MAGEA11: variants seen among roughly 807,000 people sequenced by gnomAD.
The protein encoded by MAGEA11 is MAGE family member A11.
A neutral mutation model predicts 8.4 loss-of-function variants in MAGEA11; 1 was observed. The ratio of observed to expected loss-of-function variants is 0.12; its 90% confidence interval spans 0.04 to 0.57. The LOEUF is 0.57. Ranked by LOEUF, MAGEA11 falls within the 20% of genes least tolerant of loss-of-function variation. MAGEA11 has a pLI of 0.91. For synonymous variants in MAGEA11, 127 were observed against 119.3 expected, an observed-to-expected ratio of 1.06 and a Z score of -0.42; for missense variants, 209 against 317.3, an observed-to-expected ratio of 0.66 and a Z score of 2.59.
chrX:149,713,105 A>G (rs1211110712), intron 1 of MAGEA11, 38 bp from the exon 2 acceptor site: 4 of 939,892 alleles, frequency 4.3e-6, no homozygotes, highest in Non-Finnish European at 6.1e-6. Flanking sequence ...CCCCCCCCAT[A>G]GTCCCGCCGT....
chrX:149,702,033 C>T (rs782634685), intron 1 of MAGEA11, among the ~76,000 whole-genome samples: 4 of 111,987 alleles, frequency 3.6e-5, no homozygotes, highest in South Asian at 3.7e-4. Context: ...CCATTGCAGA[C>T]AGATAAAGTA....
intron 2 of MAGEA11, 187 bp from the exon 3 acceptor site, chrX:149,714,294 C>A: frequency 1.7e-6 from 1 of 587,722 alleles, no homozygotes; most frequent in Non-Finnish European, 2.6e-6. Context: ...AGGGATATGT[C>A]TGCTCATCTC....
At chrX:149,704,560 G>A (rs1471207599) in intron 1 of MAGEA11, among the ~76,000 whole-genome samples, 1 of 112,296 alleles carries the variant, frequency 8.9e-6, no homozygotes, top group Admixed American at 9.4e-5. Context: ...GTGAGAAGAT[G>A]GTGGAGCCTG....
At chrX:149,714,750 A>G (rs2090418801) in intron 3 of MAGEA11, among the ~76,000 whole-genome samples, 174 bp downstream of exon 3, 1 of 112,050 alleles carries the variant, frequency 8.9e-6, no homozygotes, top group Admixed American at 9.4e-5. Flanking sequence ...TTGGTCTGAG[A>G]GGGCTGCACT....
rs1557362367 is a variant in MAGEA11 at position 149,715,644 on chromosome X, G to A, written c.233G>A (p.Arg78Lys). 6 of 1,207,682 alleles carry A rather than the reference G, an allele frequency of 5.0e-6. No individual in the cohort carries two copies. The highest frequency in any genetic ancestry group is 6.7e-6 in the Non-Finnish European group (6 of 893,572). Reference sequence around the variant, plus strand: ...GCCAACCTGGAGGACAGGAGTCCCAGGAGAACCCAGAGGATCACTGGAGGA... The same window carrying A: ...GCCAACCTGGAGGACAGGAGTCCCAAGAGAACCCAGAGGATCACTGGAGGA... Reference protein sequence around the residue: ...EQANLEDRSPRRTQRITGGEQ... With the variant: ...EQANLEDRSPKRTQRITGGEQ... Residue 78 changes from arginine to lysine, a missense_variant, in exon 4 of 5, where the codon AGG becomes AAG. Transcript: ENST00000355220.
chrX:149,716,048 A>G lies in MAGEA11; in HGVS notation c.562A>G (p.Ile188Val), dbSNP rs781813293. 8.3e-7 allele frequency: 1 copy of G among 1,210,370 alleles called. No individual in the cohort carries two copies. The highest frequency in any genetic ancestry group is 1.8e-5 in the South Asian group (1 of 56,787). Residue 188 changes from isoleucine (I) to valine (V), a missense_variant, in exon 5 of 5, where the codon ATC becomes GTC. Ile to Val is a conservative substitution (Grantham distance 29). Transcript: ENST00000355220. ...CTTCTCTCCCACTGCCATGGATGCC[A>G]TCTTTGGGAGCCTATCTGATGAGGG... ...ESFSPTAMDAIFGSLSDEGSG... is the reference protein window; with the variant it reads ...ESFSPTAMDAVFGSLSDEGSG...
chrX:149,700,916 T>C (rs1476074334), intron 1 of MAGEA11, among the ~76,000 whole-genome samples: 2 of 106,089 alleles, frequency 1.9e-5, no homozygotes, highest in African/African-American at 6.9e-5. Flanking sequence ...TATGGCTGCA[T>C]AGTATTCCAT....
upstream of MAGEA11, among the ~76,000 whole-genome samples, chrX:149,707,669 C>T (rs966302543): frequency 1.3e-4 from 15 of 112,098 alleles, no homozygotes; most frequent in African/African-American, 2.3e-4. Flanking sequence ...TAATAAAAAA[C>T]GACAACTGCC....
In MAGEA11 at chrX:149,691,474, G is replaced by T. The variant is rs1031026916; in HGVS notation, c.9+2490G>T. Reference sequence around the variant, plus strand: ...TTGTATTTCTATAAAATATTATTGGGATTTATTCTTCAGCATGGGTAAGTT... The same window carrying T: ...TTGTATTTCTATAAAATATTATTGGTATTTATTCTTCAGCATGGGTAAGTT... On this transcript the variant is annotated intron_variant, in intron 1 of 3. Transcript: ENST00000333104. Among the ~76,000 whole-genome samples the T allele has an allele frequency of 2.7e-5, 3 of 110,996 alleles. No homozygotes were observed. The Admixed American group carries it at 2.9e-4, about 11-fold the overall frequency.
intron 1 of MAGEA11, among the ~76,000 whole-genome samples, chrX:149,699,755 C>T (rs905774830): frequency 9.0e-6 from 1 of 111,357 alleles, no homozygotes; most frequent in Non-Finnish European, 1.9e-5. Context: ...TGTTCAGGCA[C>T]AGCTGTAGTC....
chrX:149,688,675 T>TATACATATACATATACAC (rs2090297252), upstream of MAGEA11: 16 of 145,834 alleles, frequency 1.1e-4, no homozygotes, highest in African/African-American at 6.4e-4. Flanking sequence ...TACATATACA[T>TATACATATACATATACAC]ATACATATAC....
intron 1 of MAGEA11, among the ~76,000 whole-genome samples, chrX:149,695,378 T>C (rs2090326590): frequency 9.0e-6 from 1 of 110,598 alleles, no homozygotes; most frequent in Admixed American, 9.6e-5. Flanking sequence ...AAAACACAAA[T>C]TGATAAACTA....
At chrX:149,714,904 A>G (rs1224144535) in intron 3 of MAGEA11, among the ~76,000 whole-genome samples, 5 of 109,807 alleles carry the variant, frequency 4.6e-5, no homozygotes, top group Non-Finnish European at 9.5e-5. Flanking sequence ...GGGTGTTTCT[A>G]TTTCCCTGAT....
chrX:149,688,705 T>TATACATATACAC (rs1557359889), upstream of MAGEA11: 12 of 142,031 alleles, frequency 8.4e-5, no homozygotes, highest in African/African-American at 6.2e-4. Context: ...TACATATACA[T>TATACATATACAC]ATACACATAC....
chrX:149,714,914 T>C (rs782047580), intron 3 of MAGEA11, among the ~76,000 whole-genome samples: 2 of 110,653 alleles, frequency 1.8e-5, no homozygotes, highest in Admixed American at 1.9e-4. Context: ...ATTTCCCTGA[T>C]TTCCTCTTCT....
chrX:149,689,195 C>T (rs1569561313), intron 1 of MAGEA11, among the ~76,000 whole-genome samples: 3 of 111,379 alleles, frequency 2.7e-5, no homozygotes, highest in Non-Finnish European at 1.9e-5. Context: ...CAGATAATGT[C>T]TGGAATAGAG....
At chrX:149,707,287 T>G (rs781992549), upstream of MAGEA11, among the ~76,000 whole-genome samples, 11 of 112,209 alleles carry the variant, frequency 9.8e-5, no homozygotes, top group Non-Finnish European at 1.5e-4. Flanking sequence ...GATACAATAT[T>G]GAACACATTT....
chrX:149,715,686 G>C lies in MAGEA11; in HGVS notation c.266+9G>C. ...ACTGGAGGAGAACAAGTGTAAGTAG[G>C]CCTTTGTTAGATTCTCCATGGTTCA... is the stretch of plus-strand genomic sequence containing the variant. On this transcript the variant is annotated intron_variant, in intron 4 of 4. Transcript: ENST00000355220. 1 of 1,195,691 alleles carries C rather than the reference G, an allele frequency of 8.4e-7. No homozygotes were observed. The highest frequency in any genetic ancestry group is 1.1e-6 in the Non-Finnish European group (1 of 881,586).
chrX:149,716,260 C>T lies in MAGEA11; in HGVS notation c.774C>T (p.Asp258=), dbSNP rs1557362505. ...MLGSVIKNYE[D]YFPEIFREAS... ...GGAGTGTCATCAAAAATTATGAGGA[C>T]TACTTTCCTGAGATATTTAGGGAAG... Residue 258 remains aspartate (D), a synonymous_variant, in exon 5 of 5, where the codon GAC becomes GAT. Transcript: ENST00000355220. 8.3e-7 allele frequency: 1 copy of T among 1,211,944 alleles called. No homozygotes were observed. Among genetic ancestry groups the T allele is most frequent in the Non-Finnish European group, 1.1e-6 (1 of 895,552 alleles).
Sources: allele counts gnomAD v4.1 joint callset (sites outside exome capture counted in the v4.1 genomes callset), GRCh38; gene constraint gnomAD v4.1.1; transcripts MANE v1.5; gene names NCBI Gene and HGNC (gene_info 2026-07-23, HGNC 2026-07-21).